Variants in CELF2 observed in about 807,000 individuals in gnomAD.
CELF2 encodes CUG triplet repeat RNA-binding protein 2.
CELF2 carries 8 observed loss-of-function variants against 62.6 expected under a neutral mutation model. That is an observed-to-expected ratio of 0.13 (90% CI 0.07 to 0.23). CELF2 has a LOEUF of 0.23. Among genes scored for constraint, CELF2 ranks in the 10% least tolerant of loss-of-function variants. The pLI is 1.00. For synonymous variants in CELF2, 258 were observed against 250.0 expected (o/e 1.03, Z -0.30); for missense variants, 333 against 671.0 (o/e 0.50, Z 5.56).
intron 1 of CELF2, among the ~76,000 whole-genome samples, chr10:11,032,069 C>T (rs2060198924): frequency 6.7e-6 from 1 of 148,318 alleles, no homozygotes. Context: ...GAGGTGCATG[C>T]CTTCTTGGGG....
chr10:10,726,859 A>G, the CELF2 span, among the ~76,000 whole-genome samples: 1 of 152,194 alleles, frequency 6.6e-6, no homozygotes, highest in African/African-American at 2.4e-5. Context: ...TTTATAGAGA[A>G]AAGAGGTTTA....
At chr10:11,058,715 C>G (rs1002106510) in intron 1 of CELF2, among the ~76,000 whole-genome samples, 6 of 151,856 alleles carry the variant, frequency 4.0e-5, no homozygotes, top group African/African-American at 1.5e-4. Flanking sequence ...CGATCCACCC[C>G]CCTCAGCCTC....
At chr10:10,661,283 T>C in the CELF2 span, among the ~76,000 whole-genome samples, 3 of 152,228 alleles carry the variant, frequency 2.0e-5, no homozygotes, top group African/African-American at 7.2e-5. Flanking sequence ...CCTTTTTGCA[T>C]CTGGTCTCTC....
At chr10:10,659,366 C>G in the CELF2 span, among the ~76,000 whole-genome samples, 1 of 152,158 alleles carries the variant, frequency 6.6e-6, no homozygotes, top group Non-Finnish European at 1.5e-5. Context: ...CTCAGTATTG[C>G]AATATTTAAA....
chr10:10,735,083 G>C, the CELF2 span, among the ~76,000 whole-genome samples: 9 of 152,136 alleles, frequency 5.9e-5, no homozygotes, highest in African/African-American at 2.2e-4. Context: ...ATATAAAATA[G>C]GGTTACTTGA....
Position 11,207,490 on chromosome 10 carries a change from G to A in CELF2, c.272-9935G>A, listed in dbSNP as rs965696836. Among the ~76,000 whole-genome samples, 6 of 152,216 alleles carry A rather than the reference G, an allele frequency of 3.9e-5. No homozygotes were observed. Among genetic ancestry groups the A allele is most frequent in the Non-Finnish European group, 7.3e-5 (5 of 68,046 alleles). On this transcript the variant is annotated intron_variant, in intron 2 of 12. Transcript: ENST00000633077. This position sits in a 1 kb window ranked among gnomAD's most constrained non-coding sequence, Gnocchi z 4.1. ...CAGTGAGATCATTGTTCCCTCCCGG[G>A]CTGAAAAGGTGGCTCAGATTTGCTG... is the stretch of plus-strand genomic sequence containing the variant.
chr10:11,243,853 G>A lies in CELF2; in HGVS notation c.355-5300G>A, dbSNP rs923341962. 4.6e-5 allele frequency among the ~76,000 whole-genome samples: 7 copies of A among 152,184 alleles called. No homozygotes were observed. Among genetic ancestry groups the A allele is most frequent in the African/African-American group, 7.2e-5 (3 of 41,432 alleles). On this transcript the variant is annotated intron_variant, in intron 3 of 12. Coordinates refer to ENST00000633077, the MANE Select transcript of CELF2 (RefSeq NM_001326342.2). This position sits in a 1 kb window ranked among gnomAD's most constrained non-coding sequence, Gnocchi z 4.1. Reference sequence around the variant, plus strand: ...TGCAGCCTCAGTTTAATTAGCACACGTCTCTTCAGAGACTCCTTGCAAAAA... The same window carrying A: ...TGCAGCCTCAGTTTAATTAGCACACATCTCTTCAGAGACTCCTTGCAAAAA...
intron 5 of CELF2, among the ~76,000 whole-genome samples, chr10:11,262,940 C>CTTTTTTTTTTTTTTT (rs553831640): frequency 0.025 from 1,330 of 52,726 alleles, 431 homozygotes; most frequent in East Asian, 0.086. Flanking sequence ...AGTGGCTTTA[C>CTTTTTTTTTTTTTTT]TTTTTTTTTT....
intron 2 of CELF2, among the ~76,000 whole-genome samples, chr10:10,994,168 A>G (rs1385058358): frequency 6.6e-6 from 1 of 152,242 alleles, no homozygotes; most frequent in Non-Finnish European, 1.5e-5. Flanking sequence ...TAAAGAAGCA[A>G]TTGGAAGAAG....
rs909020273 is a variant in CELF2 at position 10,928,437 on chromosome 10, C to T, written c.89+8438C>T. Among the ~76,000 whole-genome samples the T allele has an allele frequency of 2.0e-5, 3 of 152,094 alleles. No homozygotes were observed. Among genetic ancestry groups the T allele is most frequent in the African/African-American group, 4.8e-5 (2 of 41,396 alleles). Reference sequence around the variant, plus strand: ...TCTCTACCACTTGTTCTTCTAGATCCGGATTTTGCAAACTACAGCCCACAG... The same window carrying T: ...TCTCTACCACTTGTTCTTCTAGATCTGGATTTTGCAAACTACAGCCCACAG... On this transcript the variant is annotated intron_variant, in intron 2 of 13. Transcript: ENST00000636488. The surrounding 1 kb of genome is among the most constrained non-coding windows in gnomAD (Gnocchi z 4.8).
At position 10,961,071 on chromosome 10, in the gene CELF2, A is replaced by T. The variant is rs577276085; in HGVS notation, c.89+41072A>T. 5.9e-5 allele frequency among the ~76,000 whole-genome samples: 9 copies of T among 152,268 alleles called. No homozygotes were observed. The South Asian group carries it at 1.9e-3, about 32-fold the overall frequency. ...CAATGCACTTTGAATTCCAATACGG[A>T]CTTCTTACAAGTAATATTTTTTGGG... On this transcript the variant is annotated intron_variant, in intron 2 of 13. Transcript: ENST00000636488.
intron 1 of CELF2, chr10:11,164,980 C>T: frequency 1.3e-6 from 1 of 792,384 alleles, no homozygotes; most frequent in East Asian, 1.3e-4. Flanking sequence ...ATTTTCTTTC[C>T]ATGTGACTTT....
intron 9 of CELF2, among the ~76,000 whole-genome samples, chr10:11,298,721 ATG>A (rs1433974481): frequency 1.3e-5 from 2 of 151,968 alleles, no homozygotes; most frequent in African/African-American, 4.8e-5. Context: ...ATTTATGTAA[ATG>A]TATACTGGTG....
chr10:11,314,634 AC>A lies in CELF2; in HGVS notation c.1096+379del. 1 of 334,718 alleles carries A rather than the reference AC, an allele frequency of 3.0e-6. No individual in the cohort carries two copies. Among genetic ancestry groups the A allele is most frequent in the Middle Eastern group, 1.1e-3 (1 of 948 alleles). The allele number at this position is 334,718 out of a possible 1,614,324, so 20.7% of individuals were successfully genotyped here. ...ATGGACTGGAAGGCTGGAAGCCTGA[AC>A]CCAGCTCTGCTGCCAGGCAGCTGTG... On this transcript the variant is annotated intron_variant, in intron 10 of 12. Coordinates refer to ENST00000633077, the MANE Select transcript of CELF2 (RefSeq NM_001326342.2). The surrounding 1 kb of genome is among the most constrained non-coding windows in gnomAD (Gnocchi z 5.3).
At chr10:11,228,210 A>T (rs1056080222) in intron 3 of CELF2, among the ~76,000 whole-genome samples, 1 of 152,254 alleles carries the variant, frequency 6.6e-6, no homozygotes, top group Admixed American at 6.5e-5. Flanking sequence ...GAATTCAAGT[A>T]ATTTTAATGA....
chr10:11,270,958 C>A lies in CELF2; in HGVS notation c.777+134C>A. 2.3e-6 allele frequency: 2 copies of A among 878,656 alleles called. No homozygotes were observed. The highest frequency in any genetic ancestry group is 3.1e-6 in the Non-Finnish European group (2 of 644,590). 54.4% of individuals were successfully genotyped at this position (878,656 alleles called of 1,614,324 possible). A position where few individuals can be genotyped will look rare whatever the true frequency, so the allele number is the denominator to read the frequency against. Reference sequence around the variant, plus strand: ...GGAATTATTGAAATCAGCATTTATGCAGGATATTTTTCCAAGTTAGATTGA... The same window carrying A: ...GGAATTATTGAAATCAGCATTTATGAAGGATATTTTTCCAAGTTAGATTGA... On this transcript the variant is annotated intron_variant, in intron 7 of 12. Coordinates refer to ENST00000633077, the MANE Select transcript of CELF2 (RefSeq NM_001326342.2). The surrounding 1 kb of genome is among the most constrained non-coding windows in gnomAD (Gnocchi z 5.8).
At chr10:11,167,090 A>G (rs2067447848) in intron 2 of CELF2, among the ~76,000 whole-genome samples, 1 of 152,258 alleles carries the variant, frequency 6.6e-6, no homozygotes, top group Non-Finnish European at 1.5e-5. Context: ...AGACGTAGAA[A>G]GATCAGATAA....
At chr10:10,812,750 G>A (rs945999442) in intron 1 of CELF2, among the ~76,000 whole-genome samples, 2 of 152,150 alleles carry the variant, frequency 1.3e-5, no homozygotes, top group Non-Finnish European at 2.9e-5. Flanking sequence ...CCTCAGATCT[G>A]CAAATGCATA....
intron 2 of CELF2, among the ~76,000 whole-genome samples, chr10:10,937,736 T>G (rs2046580073): frequency 6.6e-6 from 1 of 152,156 alleles, no homozygotes; most frequent in African/African-American, 2.4e-5. Flanking sequence ...TTTACCAATG[T>G]GAAGTGTTAT....
Sources: allele counts gnomAD v4.1 joint callset (sites outside exome capture counted in the v4.1 genomes callset), GRCh38; gene constraint gnomAD v4.1.1; non-coding constraint Gnocchi (gnomAD v3.1); transcripts MANE v1.5; gene names NCBI Gene and HGNC (gene_info 2026-07-23, HGNC 2026-07-21).